Variants in ZNF44 observed in about 807,000 individuals in gnomAD.
The protein encoded by ZNF44 is zinc finger protein 44.
A neutral mutation model predicts 11.7 loss-of-function variants in ZNF44; 9 were observed. That is an observed-to-expected ratio of 0.77 (90% CI 0.46 to 1.35). The LOEUF is 1.35. ZNF44 is among the 40% of genes most tolerant of loss of function. The probability of loss-of-function intolerance (pLI) is 0.00; values close to 1 mark genes in which losing one functional copy is unlikely to be tolerated. For synonymous variants in ZNF44, 224 were observed against 242.7 expected (o/e 0.92, Z 0.72); for missense variants, 696 against 743.1 (o/e 0.94, Z 0.74).
At chr19:12,294,475 G>A (rs1381328068) in intron 1 of ZNF44, among the ~76,000 whole-genome samples, 1 of 152,244 alleles carries the variant, frequency 6.6e-6, no homozygotes, top group Non-Finnish European at 1.5e-5. Context: ...CGGGGCCGCA[G>A]TCGCAGCTCA....
intron 1 of ZNF44, among the ~76,000 whole-genome samples, chr19:12,289,348 T>C (rs1421609222): frequency 2.0e-5 from 3 of 151,964 alleles, no homozygotes; most frequent in Non-Finnish European, 2.9e-5. Flanking sequence ...AAGGAAACTA[T>C]TTAAGTTTCT....
chr19:12,263,958 T>C (rs533607269), intron 5 of ZNF44, among the ~76,000 whole-genome samples: 1 of 149,516 alleles, frequency 6.7e-6, no homozygotes, highest in African/African-American at 2.5e-5. Context: ...CCAAGCATGA[T>C]AGCATGTGCC....
chr19:12,288,781 T>A (rs1383787026), intron 1 of ZNF44, among the ~76,000 whole-genome samples: 5 of 122,030 alleles, frequency 4.1e-5, no homozygotes, highest in Admixed American at 1.6e-4. Context: ...AATGTATATA[T>A]ATATATATAT....
At chr19:12,247,308 T>C, downstream of ZNF44, 1 of 1,272,646 alleles carries the variant, frequency 7.9e-7, no homozygotes. Context: ...CACATGGTAT[T>C]GTAAGGATGC....
chr19:12,258,160 C>CAA (rs770370872), intron 5 of ZNF44, among the ~76,000 whole-genome samples: 2,418 of 55,862 alleles, frequency 0.043, 130 homozygotes, highest in Non-Finnish European at 0.063. Context: ...CTCATCTCTA[C>CAA]AAAAAAAAAA....
chr19:12,294,845 G>A lies in ZNF44; in HGVS notation c.-151C>T, dbSNP rs577764401. 3 of 839,760 alleles carry A rather than the reference G, an allele frequency of 3.6e-6. No individual in the cohort carries two copies. Among genetic ancestry groups the A allele is most frequent in the East Asian group, 3.2e-5 (1 of 30,850 alleles). 52.0% of individuals were successfully genotyped at this position (839,760 alleles called of 1,614,324 possible). On this transcript the variant is annotated 5_prime_UTR_variant, in exon 1 of 4. Transcript: ENST00000355684. ...AGGGTGAAGAGGCCACTAGCTCCTG[G>A]AACGTCACACCCTCCTCTCTGCCTC...
downstream of ZNF44, among the ~76,000 whole-genome samples, chr19:12,244,904 TC>T (rs1201916784): frequency 1.3e-5 from 2 of 152,206 alleles, no homozygotes; most frequent in African/African-American, 2.4e-5. Context: ...CTATAAGAAG[TC>T]CTCTTGAGCA....
chr19:12,285,602 G>T (rs866893809), intron 1 of ZNF44, among the ~76,000 whole-genome samples: 2 of 152,276 alleles, frequency 1.3e-5, no homozygotes, highest in African/African-American at 4.8e-5. Flanking sequence ...CTAGTAAACT[G>T]AAGTTTGTCT....
At chr19:12,247,938 C>A in exon 8 of ZNF44, 2 of 1,349,766 alleles carry the variant, frequency 1.5e-6, no homozygotes, top group Non-Finnish European at 2.0e-6. Flanking sequence ...ACATTCCTTG[C>A]ATTTGTAGGG....
chr19:12,279,336 C>T (rs1967369569), intron 1 of ZNF44, among the ~76,000 whole-genome samples: 1 of 151,920 alleles, frequency 6.6e-6, no homozygotes, highest in South Asian at 2.1e-4. Context: ...GCCTGGGCAA[C>T]ATAGTGAGAT....
chr19:12,243,471 C>T (rs1916687076), downstream of ZNF44, among the ~76,000 whole-genome samples: 1 of 152,156 alleles, frequency 6.6e-6, no homozygotes, highest in African/African-American at 2.4e-5. Flanking sequence ...TAGTGTCCAC[C>T]AGGTTTATTC....
At chr19:12,229,639 T>G (rs1449790224) in intron 3 of ZNF44, among the ~76,000 whole-genome samples, 2 of 151,500 alleles carry the variant, frequency 1.3e-5, no homozygotes, top group Non-Finnish European at 2.9e-5. Flanking sequence ...TTTGAGACTT[T>G]GTCTTGCTCT....
rs1222533467 is a variant in ZNF44 at position 12,294,784 on chromosome 19, C to T, written c.-90G>A. The T allele has an allele frequency of 1.4e-6, 2 of 1,468,698 alleles. No individual in the cohort carries two copies. The highest frequency in any genetic ancestry group is 1.8e-6 in the Non-Finnish European group (2 of 1,093,678). The allele number at this position is 1,468,698 out of a possible 1,614,324, so 91.0% of individuals were successfully genotyped here. A position where few individuals can be genotyped will look rare whatever the true frequency, so the allele number is the denominator to read the frequency against. On this transcript the variant is annotated 5_prime_UTR_variant, in exon 1 of 4. Transcript: ENST00000355684. ...AAAAGCCACCACAGATGTCCCAGGGCGTCTCTCAGTGACAGAATACGGAAC... is the reference window on the plus strand; with the variant it reads ...AAAAGCCACCACAGATGTCCCAGGGTGTCTCTCAGTGACAGAATACGGAAC...
rs767314854 is a variant in ZNF44, at chr19:12,273,376, G to A, written c.879C>T (p.Ser293=). 111 of 1,613,450 alleles carry A rather than the reference G, an allele frequency of 6.9e-5. No individual in the cohort carries two copies. The highest frequency in any genetic ancestry group is 4.9e-4 in the Middle Eastern group (3 of 6,078). Residue 293 remains serine (S), a synonymous_variant, in exon 4 of 4, where the codon TCC becomes TCT. Coordinates refer to ENST00000355684, the MANE Select transcript of ZNF44 (RefSeq NM_016264.4). ...TTCTTTCATGTACTCGAAGGGAACC[G>A]GAAACACTGAAGGCTTTCCCACATT... is the stretch of plus-strand genomic sequence containing the variant. The part of the protein sequence containing the change: ...CKQCGKAFSV[S]GSLRVHERIH...
Position 12,273,254 on chromosome 19 carries a change from T to C in ZNF44, c.1001A>G (p.Asp334Gly), listed in dbSNP as rs1262925327. The change falls in exon 4 of 4, where the codon GAT becomes GGT. Residue 334 changes from aspartate to glycine, a missense_variant. Asp to Gly is a moderately conservative substitution (Grantham distance 94, BLOSUM62 -1). Transcript: ENST00000355684. ...FQRHMIMHSG[D>G]GPHKCKICGK... is the part of the protein sequence containing the mutation. ...ACATATCTTACATTTATGAGGTCCA[T>C]CTCCACTGTGCATTATCATGTGTCT... The C allele has an allele frequency of 1.9e-6, 3 of 1,614,122 alleles. No individual in the cohort carries two copies. Among genetic ancestry groups the C allele is most frequent in the Non-Finnish European group, 2.5e-6 (3 of 1,180,012 alleles).
chr19:12,236,830 G>C (rs754000905), intron 1 of ZNF44, among the ~76,000 whole-genome samples: 2 of 152,172 alleles, frequency 1.3e-5, no homozygotes, highest in Non-Finnish European at 2.9e-5. Context: ...TGTTTGTGCT[G>C]GGTCTGCATT....
intron 1 of ZNF44, among the ~76,000 whole-genome samples, chr19:12,236,887 T>C (rs1916410120): frequency 6.6e-6 from 1 of 152,206 alleles, no homozygotes; most frequent in African/African-American, 2.4e-5. Flanking sequence ...ACGCCTGTTT[T>C]TTTAACCTTT....
chr19:12,248,314 T>C (rs749747596), exon 8 of ZNF44: 1 of 1,294,864 alleles, frequency 7.7e-7, no homozygotes, highest in South Asian at 1.2e-5. Flanking sequence ...CTTCCATGTA[T>C]TTGGAAAGAA....
intron 1 of ZNF44, among the ~76,000 whole-genome samples, chr19:12,283,017 C>A (rs1967554274): frequency 6.6e-6 from 1 of 152,168 alleles, no homozygotes; most frequent in African/African-American, 2.4e-5. Flanking sequence ...TAAACTTTCT[C>A]ATAAAGGCAT....
Sources: gnomAD v4.1 joint callset for allele counts (sites outside exome capture counted in the v4.1 genomes callset) on GRCh38, gnomAD v4.1.1 for gene constraint, MANE v1.5 for transcripts, NCBI Gene and HGNC (gene_info 2026-07-23, HGNC 2026-07-21) for gene names.